TMEFF2: variants seen among roughly 807,000 people sequenced by gnomAD.
The protein encoded by TMEFF2 is tomoregulin-2.
A neutral mutation model predicts 53.8 loss-of-function variants in TMEFF2; 28 were observed. The ratio of observed to expected loss-of-function variants is 0.52; its 90% CI spans 0.39 to 0.71. TMEFF2 has a LOEUF of 0.71. TMEFF2 is among the 30% of genes least tolerant of loss of function. The pLI, the probability that TMEFF2 is intolerant of heterozygous loss-of-function variation, is 0.00. For missense variants in TMEFF2, 353 were observed against 455.2 expected (o/e 0.78, Z 2.04); for synonymous variants, 162 against 166.3 (o/e 0.97, Z 0.20).
intron 5 of TMEFF2, among the ~76,000 whole-genome samples, chr2:192,003,812 A>C (rs562602042): frequency 6.6e-5 from 10 of 151,666 alleles, no homozygotes; most frequent in Non-Finnish European, 1.5e-4. Flanking sequence ...TTTAGCATTA[A>C]TTTTTTTCCA....
intron 4 of TMEFF2, among the ~76,000 whole-genome samples, chr2:192,168,637 T>C (rs529479915): frequency 1.3e-5 from 2 of 152,244 alleles, no homozygotes; most frequent in South Asian, 2.1e-4. Flanking sequence ...CCTCCTGGCA[T>C]GCCATTATTT....
intron 4 of TMEFF2, chr2:192,177,299 C>T (rs187013849): frequency 7.3e-5 from 11 of 151,204 alleles, no homozygotes; most frequent in South Asian, 4.1e-4. Context: ...ATATATCTTA[C>T]GATTACAACC....
At chr2:192,084,976 C>T (rs1303081845) in intron 4 of TMEFF2, among the ~76,000 whole-genome samples, 1 of 152,118 alleles carries the variant, frequency 6.6e-6, no homozygotes, top group Non-Finnish European at 1.5e-5. Flanking sequence ...ATATTTTAAA[C>T]TGAAAACTGT....
At chr2:192,154,806 C>A (rs1015677824) in intron 4 of TMEFF2, among the ~76,000 whole-genome samples, 2 of 151,886 alleles carry the variant, frequency 1.3e-5, no homozygotes, top group African/African-American at 4.8e-5. Flanking sequence ...CCACCATCTT[C>A]ATGCAGCTGA....
At chr2:192,177,712 T>C (rs1030117009) in intron 4 of TMEFF2, 1 of 150,724 alleles carries the variant, frequency 6.6e-6, no homozygotes, top group African/African-American at 2.4e-5. Flanking sequence ...AGAAAGAAAA[T>C]AAAGTGTTTT....
chr2:192,004,394 A>C (rs935978201), intron 5 of TMEFF2, among the ~76,000 whole-genome samples: 11 of 152,334 alleles, frequency 7.2e-5, no homozygotes, highest in African/African-American at 2.6e-4. Context: ...GTATTTGGGT[A>C]CAGTTTCAGG....
chr2:192,085,992 G>A (rs146752141), intron 4 of TMEFF2, among the ~76,000 whole-genome samples: 1 of 152,220 alleles, frequency 6.6e-6, no homozygotes, highest in Non-Finnish European at 1.5e-5. Context: ...TTTTCTGTGT[G>A]TCAATTCCCT....
At chr2:191,985,017 A>G (rs762851474) in intron 7 of TMEFF2, among the ~76,000 whole-genome samples, 2 of 152,150 alleles carry the variant, frequency 1.3e-5, no homozygotes, top group Non-Finnish European at 2.9e-5. Flanking sequence ...TTAAGATTAG[A>G]TCAAATTATG....
At chr2:192,049,012 A>G (rs1048664766) in intron 5 of TMEFF2, among the ~76,000 whole-genome samples, 2 of 152,248 alleles carry the variant, frequency 1.3e-5, no homozygotes, top group African/African-American at 4.8e-5. Flanking sequence ...ATACTGAGTG[A>G]AAAAGAACTT....
At chr2:191,971,882 C>T (rs1233675288) in intron 7 of TMEFF2, among the ~76,000 whole-genome samples, 1 of 151,882 alleles carries the variant, frequency 6.6e-6, no homozygotes, top group Non-Finnish European at 1.5e-5. Flanking sequence ...AGAATAGTAG[C>T]GTGGGATACT....
chr2:192,172,541 T>A (rs2106025384), intron 4 of TMEFF2, among the ~76,000 whole-genome samples: 2 of 152,028 alleles, frequency 1.3e-5, no homozygotes, highest in Middle Eastern at 6.8e-3. Flanking sequence ...CTATCCTATA[T>A]ATATTTTTAG....
intron 4 of TMEFF2, among the ~76,000 whole-genome samples, chr2:192,120,715 C>A (rs1689530137): frequency 6.6e-6 from 1 of 152,022 alleles, no homozygotes; most frequent in Admixed American, 6.6e-5. Flanking sequence ...ATAGTATCCA[C>A]TCTTTCATAA....
At chr2:192,058,581 G>GA (rs1196308053) in intron 4 of TMEFF2, among the ~76,000 whole-genome samples, 2 of 151,980 alleles carry the variant, frequency 1.3e-5, no homozygotes, top group Admixed American at 6.6e-5. Flanking sequence ...TGTAAATTGA[G>GA]AAAAAATTTC....
intron 4 of TMEFF2, among the ~76,000 whole-genome samples, chr2:192,150,578 T>C (rs1690360740): frequency 6.6e-6 from 1 of 151,786 alleles, no homozygotes; most frequent in Non-Finnish European, 1.5e-5. Context: ...CTATGTTCTT[T>C]ATTCCACTAT....
chr2:192,150,797 T>C (rs1304315813), intron 4 of TMEFF2, among the ~76,000 whole-genome samples: 1 of 150,684 alleles, frequency 6.6e-6, no homozygotes, highest in Non-Finnish European at 1.5e-5. Flanking sequence ...AGCCTCTTCT[T>C]TGTCTTTGAA....
intron 4 of TMEFF2, among the ~76,000 whole-genome samples, chr2:192,152,831 T>C (rs1690419732): frequency 6.6e-6 from 1 of 151,884 alleles, no homozygotes; most frequent in African/African-American, 2.4e-5. Context: ...GGCTGAGAAC[T>C]GTTTTCTAAC....
intron 5 of TMEFF2, among the ~76,000 whole-genome samples, chr2:192,053,076 T>G (rs1305060172): frequency 6.6e-6 from 1 of 152,194 alleles, no homozygotes; most frequent in African/African-American, 2.4e-5. Context: ...AGAAAAACCT[T>G]GAAATGAAAT....
intron 9 of TMEFF2, among the ~76,000 whole-genome samples, chr2:191,952,935 C>T (rs1280207361): frequency 6.6e-6 from 1 of 152,198 alleles, no homozygotes; most frequent in Non-Finnish European, 1.5e-5. Context: ...TCAGTAAGGA[C>T]TATCTTCAAT....
In TMEFF2 at chr2:191,996,224, A is replaced by G. The variant is rs183385111; in HGVS notation, c.745+2038T>C. On this transcript the variant is annotated intron_variant, in intron 7 of 9. Transcript: ENST00000272771. ...ATGATATTTATTGGAATAACTTTAT[A>G]AATGCATATATATTTGTATATTGAC... Among the ~76,000 whole-genome samples the G allele has an allele frequency of 1.5e-4, 23 of 151,984 alleles. No individual in the cohort carries two copies. In the East Asian group the frequency reaches 4.4e-3, roughly 29 times the overall value.
Sources: allele counts gnomAD v4.1 joint callset (sites outside exome capture counted in the v4.1 genomes callset), GRCh38; gene constraint gnomAD v4.1.1; transcripts MANE v1.5; gene names NCBI Gene and HGNC (gene_info 2026-07-23, HGNC 2026-07-21).